Variants in HECTD2 observed in about 807,000 individuals in gnomAD.
The protein encoded by HECTD2 is probable E3 ubiquitin-protein ligase HECTD2.
Under a neutral mutation model 103.2 loss-of-function variants are expected in HECTD2, and 35 were observed. That is an observed-to-expected ratio of 0.34 (90% CI 0.26 to 0.45). The LOEUF (loss-of-function observed/expected upper bound fraction) is 0.45. Among genes scored for constraint, HECTD2 ranks in the 20% least tolerant of loss-of-function variants. The pLI is 1.00. For missense variants in HECTD2, 596 were observed against 937.4 expected, an observed-to-expected ratio of 0.64 and a Z score of 4.76; for synonymous variants, 281 against 329.9, an observed-to-expected ratio of 0.85 and a Z score of 1.61.
intron 1 of HECTD2, among the ~76,000 whole-genome samples, chr10:91,423,692 T>C (rs1054154297): frequency 6.6e-6 from 1 of 152,078 alleles, no homozygotes; most frequent in African/African-American, 2.4e-5. Flanking sequence ...CTATTAATTC[T>C]AGAGACTTCT....
chr10:91,426,782 A>T (rs912238098), intron 2 of HECTD2, among the ~76,000 whole-genome samples: 1 of 151,830 alleles, frequency 6.6e-6, no homozygotes, highest in Non-Finnish European at 1.5e-5. Context: ...GCTTCCATCA[A>T]TGTGTGCTTC....
At chr10:91,503,711 C>T (rs1847013845) in intron 20 of HECTD2, among the ~76,000 whole-genome samples, 1 of 152,216 alleles carries the variant, frequency 6.6e-6, no homozygotes, top group Admixed American at 6.5e-5. Flanking sequence ...GGGGCGCCCA[C>T]CATTGCCCAG....
chr10:91,436,341 G>A (rs878987441), intron 2 of HECTD2, among the ~76,000 whole-genome samples: 1 of 151,968 alleles, frequency 6.6e-6, no homozygotes, highest in Non-Finnish European at 1.5e-5. Flanking sequence ...CCTGATGTCC[G>A]TGTCTTTAGT....
chr10:91,437,808 A>ATT (rs943221700), intron 2 of HECTD2, among the ~76,000 whole-genome samples: 5 of 151,962 alleles, frequency 3.3e-5, no homozygotes, highest in Non-Finnish European at 7.4e-5. Flanking sequence ...CTATTAGAGA[A>ATT]TTTTAAAACT....
chr10:91,480,344 CAAGA>C (rs1846047699), intron 6 of HECTD2, among the ~76,000 whole-genome samples: 1 of 151,980 alleles, frequency 6.6e-6, no homozygotes, highest in Admixed American at 6.6e-5. Flanking sequence ...CTTGAGCAGG[CAAGA>C]AAGAAACACT....
At chr10:91,497,938 A>C (rs937531680) in intron 15 of HECTD2, among the ~76,000 whole-genome samples, 170 bp from the exon 16 acceptor site, 3 of 152,002 alleles carry the variant, frequency 2.0e-5, no homozygotes, top group Non-Finnish European at 4.4e-5. Flanking sequence ...ACCTATAATG[A>C]TTTTTTTCTT....
chr10:91,512,491 C>A lies in HECTD2; in HGVS notation c.*107C>A. ...CTCAAAACACTTTGACAAAGCTCAC[C>A]AACTTTAAAATATTAAGTTTTTAAA... On this transcript the variant is annotated 3_prime_UTR_variant, in exon 21 of 21. Coordinates refer to ENST00000298068, the MANE Select transcript of HECTD2 (RefSeq NM_182765.6). The A allele has an allele frequency of 2.0e-6, 2 of 1,024,294 alleles. No homozygotes were observed. The highest frequency in any genetic ancestry group is 2.3e-5 in the Admixed American group (1 of 43,260). 63.5% of individuals were successfully genotyped at this position (1,024,294 alleles called of 1,614,324 possible).
At chr10:91,463,209 TTTATG>T (rs1199353537) in intron 5 of HECTD2, 1 of 152,076 alleles carries the variant, frequency 6.6e-6, no homozygotes, top group African/African-American at 2.4e-5. Flanking sequence ...TAACGTATAT[TTTATG>T]TTATATGTAT....
intron 5 of HECTD2, chr10:91,462,895 G>C (rs1304924075): frequency 8.7e-6 from 3 of 344,452 alleles, no homozygotes; most frequent in Non-Finnish European, 1.2e-5. Context: ...AATTTCTCTT[G>C]GTAATGTTTT....
chr10:91,482,692 C>T (rs983294555), intron 7 of HECTD2, among the ~76,000 whole-genome samples: 3 of 151,960 alleles, frequency 2.0e-5, no homozygotes, highest in African/African-American at 7.2e-5. Context: ...CATTGAGAAT[C>T]AAAGTGTAAG....
intron 2 of HECTD2, among the ~76,000 whole-genome samples, chr10:91,437,961 A>G (rs1844205464): frequency 6.6e-6 from 1 of 151,966 alleles, no homozygotes; most frequent in Non-Finnish European, 1.5e-5. Flanking sequence ...TTTTTAAAAA[A>G]ACAATTTATT....
chr10:91,493,303 CAG>C (rs2133323281), intron 13 of HECTD2, 115 bp from the exon 14 acceptor site: 3 of 457,816 alleles, frequency 6.6e-6, no homozygotes, highest in African/African-American at 2.0e-5. Context: ...TGGTTTGTAA[CAG>C]AATTATTGTT....
At chr10:91,410,971 A>G (rs918356838) in intron 1 of HECTD2, among the ~76,000 whole-genome samples, 1 of 151,968 alleles carries the variant, frequency 6.6e-6, no homozygotes, top group Non-Finnish European at 1.5e-5. Flanking sequence ...CCTGCCTTGG[A>G]GGCGCGCAGA....
At position 91,514,681 on chromosome 10, in the gene HECTD2, C is replaced by T. The variant is rs963020001; in HGVS notation, c.*2297C>T. On this transcript the variant is annotated 3_prime_UTR_variant, in exon 21 of 21. Transcript: ENST00000298068. The stretch of plus-strand genomic sequence containing the variant: ...TTGTCTGTATGATTAGAAGTTTTTA[C>T]GTCCTTCCTTTTTTGTACAAATCTG... 6.6e-6 allele frequency: 1 copy of T among 152,516 alleles called. No homozygotes were observed. The highest frequency in any genetic ancestry group is 1.5e-5 in the Non-Finnish European group (1 of 67,994). 9.4% of individuals were successfully genotyped at this position (152,516 alleles called of 1,614,324 possible). A position where few individuals can be genotyped will look rare whatever the true frequency, so the allele number is the denominator to read the frequency against.
intron 2 of HECTD2, among the ~76,000 whole-genome samples, chr10:91,458,460 G>A (rs1007279660): frequency 6.6e-6 from 1 of 151,914 alleles, no homozygotes; most frequent in African/African-American, 2.4e-5. Flanking sequence ...AAAGGCGGAA[G>A]AACTGGAATG....
chr10:91,418,195 A>G (rs1042401509), intron 1 of HECTD2, among the ~76,000 whole-genome samples: 4 of 152,232 alleles, frequency 2.6e-5, no homozygotes, highest in Non-Finnish European at 5.9e-5. Flanking sequence ...TTAAAAAAAA[A>G]GAACAAGACT....
Position 91,425,389 on chromosome 10 carries a change from G to A in HECTD2, c.247G>A (p.Val83Ile), listed in dbSNP as rs771558052. Reference protein sequence around the residue: ...AENRSSPAHLVFPNIKNVREP... With the variant: ...AENRSSPAHLIFPNIKNVREP... ...AAACAGAAGTTCACCTGCACATCTTGTTTTCCCTAACATCAAGAATGGTAA... is the reference window on the plus strand; with the variant it reads ...AAACAGAAGTTCACCTGCACATCTTATTTTCCCTAACATCAAGAATGGTAA... The change falls in exon 2 of 21, where the codon GTT becomes ATT. Residue 83 changes from valine (V) to isoleucine (I), a missense_variant. Transcript: ENST00000298068. 1 of 1,567,752 alleles carries A rather than the reference G, an allele frequency of 6.4e-7. No individual in the cohort carries two copies. The highest frequency in any genetic ancestry group is 8.7e-7 in the Non-Finnish European group (1 of 1,152,864).
At chr10:91,411,288 G>T (rs1842908741) in intron 1 of HECTD2, among the ~76,000 whole-genome samples, 1 of 151,916 alleles carries the variant, frequency 6.6e-6, no homozygotes, top group Non-Finnish European at 1.5e-5. Context: ...GATGTCATGG[G>T]ACAGCCCCCT....
chr10:91,503,645 G>A (rs1847009791), intron 20 of HECTD2, among the ~76,000 whole-genome samples: 1 of 152,150 alleles, frequency 6.6e-6, no homozygotes, highest in African/African-American at 2.4e-5. Flanking sequence ...GAGTCTCGCT[G>A]ATGGCTAGCG....
Sources: gnomAD v4.1 joint callset for allele counts (sites outside exome capture counted in the v4.1 genomes callset) on GRCh38, gnomAD v4.1.1 for gene constraint, MANE v1.5 for transcripts, NCBI Gene and HGNC (gene_info 2026-07-23, HGNC 2026-07-21) for gene names.